Variants in TJP2 observed in about 807,000 individuals in gnomAD.
The protein encoded by TJP2 is Friedreich ataxia region gene X104 (tight junction protein ZO-2).
Under a neutral mutation model 133.1 loss-of-function variants are expected in TJP2, and 91 were observed. That is an observed-to-expected ratio of 0.68 (90% confidence interval 0.58 to 0.81). The LOEUF (loss-of-function observed/expected upper bound fraction) is 0.81. Ranked by LOEUF, TJP2 falls within the 40% of genes least tolerant of loss-of-function variation. TJP2 has a pLI of 0.00. For synonymous variants in TJP2, 592 were observed against 583.4 expected, an observed-to-expected ratio of 1.01 and a Z score of -0.21; for missense variants, 1,541 against 1,565.6, an observed-to-expected ratio of 0.98 and a Z score of 0.26.
intron 10 of TJP2, among the ~76,000 whole-genome samples, 153 bp from the exon 11 acceptor site, chr9:69,229,926 TGTA>T (rs1234642036): frequency 6.6e-6 from 1 of 152,150 alleles, no homozygotes; most frequent in African/African-American, 2.4e-5. Context: ...AAGATAAAAT[TGTA>T]GGATATATGA....
At position 69,248,207 on chromosome 9, in the gene TJP2, C is replaced by A. The variant is rs1034527835; in HGVS notation, c.2863C>A (p.Pro955Thr). 6.9e-6 allele frequency: 11 copies of A among 1,604,608 alleles called. No homozygotes were observed. In the Admixed American group the frequency reaches 1.9e-4, roughly 28 times the overall value. ...GTCGTCCATCACCCGCTCCTCGGAG[C>A]CGGTGCAGCACGAGGAGGTGAGGCG... is the stretch of plus-strand genomic sequence containing the variant. ...LVSSITRSSE[P>T]VQHEESIRKP... Residue 955 changes from proline to threonine, a missense_variant, in exon 19 of 23, where the codon CCG becomes ACG. Coordinates refer to ENST00000377245, the MANE Select transcript of TJP2 (RefSeq NM_004817.4).
intron 5 of TJP2, among the ~76,000 whole-genome samples, chr9:69,224,967 A>T (rs1021068820): frequency 6.6e-6 from 1 of 152,182 alleles, no homozygotes; most frequent in Non-Finnish European, 1.5e-5. Context: ...ACTTAAGAAG[A>T]TTAACATTAA....
At chr9:69,151,557 A>G in intron 1 of TJP2, 1 of 1,218,402 alleles carries the variant, frequency 8.2e-7, no homozygotes. Context: ...AAAACGGGCA[A>G]ATTGTATGGT....
intron 1 of TJP2, among the ~76,000 whole-genome samples, chr9:69,202,331 G>T (rs192998815): frequency 6.6e-6 from 1 of 152,240 alleles, no homozygotes; most frequent in Admixed American, 6.5e-5. Flanking sequence ...CCTCCTAAAA[G>T]CTCCTCCCCT....
intron 1 of TJP2, among the ~76,000 whole-genome samples, chr9:69,147,710 TCTC>T (rs1823276300): frequency 6.6e-6 from 1 of 152,154 alleles, no homozygotes; most frequent in Non-Finnish European, 1.5e-5. Context: ...GATCTCTGCT[TCTC>T]CTCATTTCCC....
intron 1 of TJP2, chr9:69,145,780 C>G: frequency 1.6e-6 from 2 of 1,232,006 alleles, no homozygotes; most frequent in Non-Finnish European, 2.0e-6. Flanking sequence ...GAACTTCTAC[C>G]TGAGAGCAGA....
chr9:69,249,301 C>T (rs1831154891), intron 19 of TJP2, 74 bp from the exon 20 acceptor site: 1 of 1,550,458 alleles, frequency 6.4e-7, no homozygotes, highest in South Asian at 1.2e-5. Flanking sequence ...TTGCAGAACT[C>T]CTCCAAAGCA....
intron 1 of TJP2, among the ~76,000 whole-genome samples, chr9:69,131,034 G>A (rs918617047): frequency 6.6e-6 from 1 of 152,172 alleles, no homozygotes; most frequent in Non-Finnish European, 1.5e-5. Context: ...AGTCACATGT[G>A]GACTTTCCTG....
At chr9:69,198,440 C>T (rs554640260) in intron 1 of TJP2, among the ~76,000 whole-genome samples, 1 of 152,330 alleles carries the variant, frequency 6.6e-6, no homozygotes, top group South Asian at 2.1e-4. Context: ...CCATGCCCGG[C>T]CACCTTTCTC....
At chr9:69,223,453 G>A (rs539260980) in intron 5 of TJP2, among the ~76,000 whole-genome samples, 3 of 152,036 alleles carry the variant, frequency 2.0e-5, no homozygotes, top group East Asian at 3.9e-4. Flanking sequence ...GACTGTAGGC[G>A]CCCGCCACCA....
upstream of TJP2, chr9:69,121,419 C>A: frequency 1.1e-6 from 1 of 885,230 alleles, no homozygotes; most frequent in Non-Finnish European, 1.4e-6. Context: ...TCTGGCTCGC[C>A]ACCGCCCAAC....
At chr9:69,178,374 T>TA (rs1825248675) in intron 1 of TJP2, among the ~76,000 whole-genome samples, 1 of 152,138 alleles carries the variant, frequency 6.6e-6, no homozygotes, top group Admixed American at 6.5e-5. Context: ...GAGGCAAAAA[T>TA]AAATATTAAG....
chr9:69,220,514 A>G (rs1049584479), intron 4 of TJP2, among the ~76,000 whole-genome samples: 7 of 152,204 alleles, frequency 4.6e-5, no homozygotes, highest in Admixed American at 3.9e-4. Flanking sequence ...CCATCAATCA[A>G]CTTCTCTTTA....
At chr9:69,176,977 G>A (rs1406469227) in intron 1 of TJP2, among the ~76,000 whole-genome samples, 6 of 152,100 alleles carry the variant, frequency 3.9e-5, no homozygotes, top group Non-Finnish European at 7.3e-5. Flanking sequence ...TGGTGGGGGC[G>A]GGGTGAAGCG....
chr9:69,134,973 AGAG>A (rs1409580311), intron 1 of TJP2, among the ~76,000 whole-genome samples: 1 of 129,566 alleles, frequency 7.7e-6, no homozygotes, highest in Non-Finnish European at 1.8e-5. Flanking sequence ...AGAAGAGAGA[AGAG>A]GAGAGAGAGA....
chr9:69,153,762 T>C (rs1471749668), intron 2 of TJP2, among the ~76,000 whole-genome samples: 2 of 152,338 alleles, frequency 1.3e-5, no homozygotes, highest in South Asian at 2.1e-4. Flanking sequence ...CCTCCCTTGT[T>C]CTGGTTCCCT....
chr9:69,230,954 G>A (rs766836948), intron 11 of TJP2, among the ~76,000 whole-genome samples: 1 of 152,074 alleles, frequency 6.6e-6, no homozygotes, highest in African/African-American at 2.4e-5. Flanking sequence ...AAATTACTAT[G>A]TGTTTGTATA....
intron 3 of TJP2, among the ~76,000 whole-genome samples, 165 bp downstream of exon 3, chr9:69,216,628 T>C (rs1241714207): frequency 6.7e-6 from 1 of 149,946 alleles, no homozygotes; most frequent in Non-Finnish European, 1.5e-5. Context: ...TAACACACCA[T>C]GTTTGAATAA....
Position 69,225,485 on chromosome 9 carries a change from A to G in TJP2, c.1056+78A>G, listed in dbSNP as rs1829274185. On this transcript the variant is annotated intron_variant, in intron 6 of 22. Coordinates refer to ENST00000377245, the MANE Select transcript of TJP2 (RefSeq NM_004817.4). ...GCATGTCCACATTCAGCACCCACAC[A>G]GTGAGACTTAGATCCAGTGAGAGTC... 5 of 917,952 alleles carry G rather than the reference A, an allele frequency of 5.4e-6. No homozygotes were observed. The South Asian group carries it at 5.5e-5, about 10-fold the overall frequency. The allele number at this position is 917,952 out of a possible 1,614,324, so 56.9% of individuals were successfully genotyped here.
Sources: gnomAD v4.1 joint callset for allele counts (sites outside exome capture counted in the v4.1 genomes callset) on GRCh38, gnomAD v4.1.1 for gene constraint, MANE v1.5 for transcripts, NCBI Gene and HGNC (gene_info 2026-07-23, HGNC 2026-07-21) for gene names.